The following CEP85L variants were observed in gnomAD, a reference collection of about 807,000 sequenced individuals.
CEP85L encodes the protein centrosomal protein of 85 kDa-like.
Under a neutral mutation model 100.3 loss-of-function variants are expected in CEP85L, and 60 were observed. The ratio of observed to expected loss-of-function variants is 0.60; its 90% CI spans 0.49 to 0.74. The LOEUF is 0.74. Among genes scored for constraint, CEP85L ranks in the 30% least tolerant of loss-of-function variants. The pLI is 0.00. For missense variants in CEP85L, 973 were observed against 936.2 expected, an observed-to-expected ratio of 1.04 and a Z score of -0.51; for synonymous variants, 319 against 322.7, an observed-to-expected ratio of 0.99 and a Z score of 0.12.
At chr6:118,651,700 G>A, upstream of CEP85L, 2 of 930,554 alleles carry the variant, frequency 2.1e-6, no homozygotes, top group Non-Finnish European at 1.3e-6. Context: ...GGGACTGCGG[G>A]GGGCGGGGAC....
chr6:118,524,131 G>T (rs944762143), intron 3 of CEP85L, among the ~76,000 whole-genome samples: 1 of 152,086 alleles, frequency 6.6e-6, no homozygotes, highest in African/African-American at 2.4e-5. Flanking sequence ...AAGAATTAAT[G>T]ACAACAGAAC....
At chr6:118,619,797 G>A (rs1425296881) in intron 2 of CEP85L, among the ~76,000 whole-genome samples, 1 of 152,226 alleles carries the variant, frequency 6.6e-6, no homozygotes, top group Admixed American at 6.5e-5. Context: ...GGGGCATCAT[G>A]TTGCTCCTTG....
In CEP85L at chr6:118,682,770, TGCACACAC is replaced by T. The variant is rs747657378; in HGVS notation, c.-28+27258_-28+27265del. Among the ~76,000 whole-genome samples the T allele has an allele frequency of 4.7e-4, 41 of 87,420 alleles. No individual in the cohort carries two copies. In the South Asian group the frequency reaches 6.4e-3, roughly 14 times the overall value. The allele number at this position is 87,420 out of a possible 152,430, so 57.4% of individuals were successfully genotyped here. Reference sequence around the variant, plus strand: ...TGAAATATGCATGCATGCCTGAGCATGCACACACACACACACACACACACACACACACA... The same window carrying T: ...TGAAATATGCATGCATGCCTGAGCATACACACACACACACACACACACACA... On this transcript the variant is annotated intron_variant, in intron 1 of 13. Transcript: ENST00000368488.
chr6:118,510,245 T>C (rs1775889026), intron 5 of CEP85L, among the ~76,000 whole-genome samples: 1 of 146,404 alleles, frequency 6.8e-6, no homozygotes, highest in Non-Finnish European at 1.5e-5. Flanking sequence ...GACCTCATTG[T>C]AGAAAAAATT....
intron 1 of CEP85L, among the ~76,000 whole-genome samples, chr6:118,667,721 C>T (rs1776175845): frequency 6.6e-6 from 1 of 152,134 alleles, no homozygotes; most frequent in African/African-American, 2.4e-5. Flanking sequence ...ACTGAAATGG[C>T]AGAGATAAAT....
intron 2 of CEP85L, among the ~76,000 whole-genome samples, chr6:118,602,916 G>A (rs1253177034): frequency 6.6e-6 from 1 of 151,784 alleles, no homozygotes; most frequent in Non-Finnish European, 1.5e-5. Flanking sequence ...CACCTCCCAC[G>A]TTCAAACGAT....
At chr6:118,701,304 C>T (rs756577736) in intron 1 of CEP85L, among the ~76,000 whole-genome samples, 3 of 152,072 alleles carry the variant, frequency 2.0e-5, no homozygotes, top group Admixed American at 1.3e-4. Flanking sequence ...AATCATTCTG[C>T]CAAAAAAACA....
At chr6:118,590,044 T>TACACAC (rs58587419) in intron 2 of CEP85L, among the ~76,000 whole-genome samples, 3 of 150,214 alleles carry the variant, frequency 2.0e-5, no homozygotes, top group African/African-American at 7.4e-5. Context: ...TCTCTGCATT[T>TACACAC]ACACACACAC....
rs73526183 is a variant in CEP85L at position 118,566,238 on chromosome 6, G to A, written c.311C>T (p.Pro104Leu). ...GGAAATTGAAGCGCTGGAATTAGAC[G>A]GCATCACATGGGCAGTAGGAAGAGT... is the stretch of plus-strand genomic sequence containing the variant. ...LITLPTAHVM[P>L]SNSSASISKL... Residue 104 changes from proline (P) to leucine (L), a missense_variant, in exon 3 of 13, where the codon CCG becomes CTG. Pro to Leu is a moderately conservative substitution (Grantham distance 98). Around this residue, in one of 3 missense-constraint regions of CEP85L, gnomAD observed 890 missense variants for 844.5 expected, o/e 1.05. Transcript: ENST00000368491. The A allele has an allele frequency of 2.1e-3, 3,325 of 1,613,960 alleles. 69 individuals are homozygous for A. In the African/African-American group the frequency reaches 0.039, roughly 19 times the overall value.
chr6:118,534,570 T>C (rs1248452420), intron 3 of CEP85L, among the ~76,000 whole-genome samples: 1 of 152,086 alleles, frequency 6.6e-6, no homozygotes, highest in Non-Finnish European at 1.5e-5. Context: ...GGAGAATCGC[T>C]TGAACCCAGG....
At chr6:118,637,125 G>A (rs556445667) in intron 1 of CEP85L, among the ~76,000 whole-genome samples, 3 of 152,100 alleles carry the variant, frequency 2.0e-5, no homozygotes, top group Admixed American at 2.0e-4. Context: ...AAGCACATCA[G>A]TACAATCTCA....
chr6:118,500,875 C>T (rs1407195739), intron 5 of CEP85L, among the ~76,000 whole-genome samples: 2 of 152,196 alleles, frequency 1.3e-5, no homozygotes, highest in Non-Finnish European at 2.9e-5. Context: ...GGATAAACAG[C>T]TTGTGAGAGG....
rs530101337 is a variant in CEP85L, at chr6:118,662,924, T to A, written c.-27-10116A>T. On this transcript the variant is annotated intron_variant, in intron 1 of 13. Transcript: ENST00000368488. ...CCTGATATAGTGGAAAGAGCATAAG[T>A]ATTGAGTTAGTCAAGCCAGGCTTTT... Among the ~76,000 whole-genome samples, 9 of 152,260 alleles carry A rather than the reference T, an allele frequency of 5.9e-5. No individual in the cohort carries two copies. In the South Asian group the frequency reaches 1.9e-3, roughly 32 times the overall value.
At chr6:118,634,229 C>T (rs1386003238) in intron 1 of CEP85L, among the ~76,000 whole-genome samples, 2 of 142,920 alleles carry the variant, frequency 1.4e-5, no homozygotes, top group African/African-American at 5.3e-5. Context: ...AAACAACAAA[C>T]GTGCATAAAA....
chr6:118,705,833 A>G (rs560134478), intron 1 of CEP85L, among the ~76,000 whole-genome samples: 1 of 152,366 alleles, frequency 6.6e-6, no homozygotes, highest in East Asian at 1.9e-4. Context: ...TAACAGAGAT[A>G]CCAGGAGATT....
intron 2 of CEP85L, among the ~76,000 whole-genome samples, chr6:118,606,492 T>C (rs1158025170): frequency 6.6e-6 from 1 of 152,216 alleles, no homozygotes; most frequent in South Asian, 2.1e-4. Context: ...AAGTCTACAG[T>C]AGTTAATTTT....
intron 3 of CEP85L, among the ~76,000 whole-genome samples, chr6:118,545,051 G>C (rs930221746): frequency 6.6e-6 from 1 of 151,994 alleles, no homozygotes; most frequent in Non-Finnish European, 1.5e-5. Flanking sequence ...TCTAAAAAAA[G>C]CTCCTTATCT....
intron 3 of CEP85L, among the ~76,000 whole-genome samples, chr6:118,562,844 C>A (rs1374681162): frequency 2.0e-5 from 3 of 152,174 alleles, no homozygotes; most frequent in African/African-American, 7.2e-5. Context: ...AAAGAGGCTA[C>A]TATTATTTCA....
chr6:118,651,308 T>C lies in CEP85L; in HGVS notation c.-39A>G. On this transcript the variant is annotated 5_prime_UTR_variant, in exon 1 of 13. Transcript: ENST00000368491. The stretch of plus-strand genomic sequence containing the variant: ...GCCGGGTGGGCCAGGGACGCCCGAC[T>C]CCTCACGTCCGTCCTCCTGCTTCTT... 1 of 1,435,938 alleles carries C rather than the reference T, an allele frequency of 7.0e-7. No individual in the cohort carries two copies. Among genetic ancestry groups the C allele is most frequent in the Non-Finnish European group, 9.1e-7 (1 of 1,096,192 alleles). 88.9% of individuals were successfully genotyped at this position (1,435,938 alleles called of 1,614,324 possible).
Sources: gnomAD v4.1 joint callset for allele counts (sites outside exome capture counted in the v4.1 genomes callset) on GRCh38, gnomAD v4.1.1 for gene constraint, gnomAD v4.1.1 regional missense constraint, MANE v1.5 for transcripts, NCBI Gene and HGNC (gene_info 2026-07-23, HGNC 2026-07-21) for gene names.